The following CCDC60 variants were observed in gnomAD, a reference collection of about 807,000 sequenced individuals.
The protein encoded by CCDC60 is coiled-coil domain-containing protein 60.
In CCDC60, 54 loss-of-function variants were observed where a neutral mutation model predicts 63.5. That is an observed-to-expected ratio of 0.85 (90% CI 0.68 to 1.07). The LOEUF is 1.07. Ranked by LOEUF, CCDC60 falls within the 50% of genes least tolerant of loss-of-function variation. The pLI is 0.00. For missense variants in CCDC60, 651 were observed against 684.3 expected (o/e 0.95, Z 0.54); for synonymous variants, 206 against 238.8 (o/e 0.86, Z 1.27).
chr12:119,501,035 A>G (rs1192800558), intron 6 of CCDC60, among the ~76,000 whole-genome samples: 1 of 152,242 alleles, frequency 6.6e-6, no homozygotes, highest in Non-Finnish European at 1.5e-5. Flanking sequence ...AATAATAATA[A>G]TGGCAAAAGG....
chr12:119,470,327 G>C (rs886152685), intron 2 of CCDC60, among the ~76,000 whole-genome samples: 1 of 152,178 alleles, frequency 6.6e-6, no homozygotes, highest in Non-Finnish European at 1.5e-5. Flanking sequence ...GAACTCCTTG[G>C]GGGGTAAATG....
At chr12:119,482,709 G>T (rs1204673462) in intron 4 of CCDC60, among the ~76,000 whole-genome samples, 1 of 152,120 alleles carries the variant, frequency 6.6e-6, no homozygotes. Flanking sequence ...TTAAAACAAC[G>T]ATTTAGTATT....
At chr12:119,480,976 A>G (rs1457217196) in intron 4 of CCDC60, among the ~76,000 whole-genome samples, 3 of 149,334 alleles carry the variant, frequency 2.0e-5, no homozygotes, top group African/African-American at 7.4e-5. Context: ...CACCATCATT[A>G]TCACCATCAT....
At chr12:119,473,990 T>A (rs1409883635) in intron 3 of CCDC60, among the ~76,000 whole-genome samples, 1 of 152,214 alleles carries the variant, frequency 6.6e-6, no homozygotes, top group Non-Finnish European at 1.5e-5. Flanking sequence ...TACTGAGTAG[T>A]GGGATTGCTG....
At position 119,387,072 on chromosome 12, in the gene CCDC60, ACACT is replaced by A. The variant is rs1317297077; in HGVS notation, c.91-41609_91-41606del. On this transcript the variant is annotated intron_variant, in intron 1 of 13. Coordinates refer to ENST00000327554, the MANE Select transcript of CCDC60 (RefSeq NM_178499.5). ...CACACACACACACACACACACACACACACTCTCCAATTAAAATGTTTCAGCTCTT... is the reference window on the plus strand; with the variant it reads ...CACACACACACACACACACACACACACTCCAATTAAAATGTTTCAGCTCTT... 2.2e-3 allele frequency among the ~76,000 whole-genome samples: 322 copies of A among 148,220 alleles called. 4 individuals are homozygous for A. The highest frequency in any genetic ancestry group is 7.7e-3 in the African/African-American group (306 of 39,686).
chr12:119,520,027 C>A (rs1011004199), intron 8 of CCDC60, 94 bp from the exon 9 acceptor site: 16 of 1,050,716 alleles, frequency 1.5e-5, no homozygotes, highest in Non-Finnish European at 2.2e-5. Flanking sequence ...GATTCTTGCT[C>A]TAGAAAGAGA....
At chr12:119,375,785 G>C (rs1163123144) in intron 1 of CCDC60, among the ~76,000 whole-genome samples, 1 of 152,144 alleles carries the variant, frequency 6.6e-6, no homozygotes, top group Non-Finnish European at 1.5e-5. Flanking sequence ...TGTTTCTGAT[G>C]CATGCAGGAT....
chr12:119,450,871 A>AGG (rs1473004350), intron 2 of CCDC60, among the ~76,000 whole-genome samples: 2 of 140,986 alleles, frequency 1.4e-5, no homozygotes, highest in Admixed American at 1.4e-4. Flanking sequence ...AAAAAAAAAG[A>AGG]GAGAGAGAGA....
chr12:119,372,964 T>C (rs1244177761), intron 1 of CCDC60, among the ~76,000 whole-genome samples: 1 of 152,226 alleles, frequency 6.6e-6, no homozygotes, highest in Non-Finnish European at 1.5e-5. Context: ...TAAGGTTTTT[T>C]GTTTAACGTT....
chr12:119,377,781 A>C (rs1163231824), intron 1 of CCDC60, among the ~76,000 whole-genome samples: 2 of 152,176 alleles, frequency 1.3e-5, no homozygotes, highest in Non-Finnish European at 2.9e-5. Context: ...CTGTGTGAAC[A>C]CAGGCTCTTA....
intron 13 of CCDC60, among the ~76,000 whole-genome samples, chr12:119,533,631 A>G (rs1184697017): frequency 6.6e-6 from 1 of 152,196 alleles, no homozygotes; most frequent in Non-Finnish European, 1.5e-5. Context: ...TCAGCTTTCT[A>G]CATAAGACTA....
At position 119,500,086 on chromosome 12, in the gene CCDC60, G is replaced by A; in HGVS notation, c.566G>A (p.Gly189Asp). Residue 189 changes from glycine to aspartate, a missense_variant, in exon 6 of 14, where the codon GGT (glycine) becomes GAT (aspartate). Gly to Asp is a moderately conservative substitution (Grantham distance 94, BLOSUM62 -1). Transcript: ENST00000327554. ...AGCTGTTTCTCACTCAGGGACCCGG[G>A]TGGAAGCAAGAGCACCATTAAAAAA... The part of the protein sequence containing the change: ...VITCWNPKDP[G>D]GSKSTIKKIN... 1.2e-6 allele frequency: 2 copies of A among 1,612,040 alleles called. No homozygotes were observed. The highest frequency in any genetic ancestry group is 4.5e-5 in the East Asian group (2 of 44,834).
At chr12:119,428,623 C>A in intron 1 of CCDC60, 60 bp from the exon 2 acceptor site, 2 of 1,179,288 alleles carry the variant, frequency 1.7e-6, no homozygotes, top group Non-Finnish European at 1.2e-6. Flanking sequence ...CTGTGCCTAT[C>A]TCCATTTGGA....
intron 11 of CCDC60, among the ~76,000 whole-genome samples, chr12:119,528,117 A>G (rs891331374): frequency 7.2e-5 from 11 of 152,112 alleles, no homozygotes; most frequent in Non-Finnish European, 1.2e-4. Context: ...AAAGCTATTG[A>G]AAGCTGTAGG....
chr12:119,376,289 T>C (rs1593001546), intron 1 of CCDC60, among the ~76,000 whole-genome samples: 1 of 152,174 alleles, frequency 6.6e-6, no homozygotes, highest in African/African-American at 2.4e-5. Context: ...TGATCCCTCC[T>C]GTCCTATCTT....
intron 2 of CCDC60, among the ~76,000 whole-genome samples, chr12:119,444,636 C>G (rs772455677): frequency 1.3e-5 from 2 of 152,240 alleles, no homozygotes; most frequent in African/African-American, 4.8e-5. Context: ...CATTGCTTCT[C>G]ATGGCCACAA....
At chr12:119,418,186 C>T (rs1178113770) in intron 1 of CCDC60, among the ~76,000 whole-genome samples, 2 of 151,688 alleles carry the variant, frequency 1.3e-5, no homozygotes, top group East Asian at 3.9e-4. Flanking sequence ...TATGTATGTA[C>T]TATATATATA....
rs150856451 is a variant in CCDC60, at chr12:119,385,946, T to C, written c.91-42737T>C. On this transcript the variant is annotated intron_variant, in intron 1 of 13. Coordinates refer to ENST00000327554, the MANE Select transcript of CCDC60 (RefSeq NM_178499.5). ...CCCTTTATTCAACTCCTCCTCCAAT[T>C]CCCAGTTTGAGTGCACCATCTCTTT... Among the ~76,000 whole-genome samples, 1,261 of 152,276 alleles carry C rather than the reference T, an allele frequency of 8.3e-3. 6 individuals carry two copies. The highest frequency in any genetic ancestry group is 0.013 in the Non-Finnish European group (889 of 68,010).
At chr12:119,536,567 T>C (rs1379021900) in intron 13 of CCDC60, among the ~76,000 whole-genome samples, 2 of 152,310 alleles carry the variant, frequency 1.3e-5, no homozygotes, top group African/African-American at 4.8e-5. Flanking sequence ...TGTTCCTTTT[T>C]ATGTTTAGTG....
Sources: gnomAD v4.1 joint callset for allele counts (sites outside exome capture counted in the v4.1 genomes callset) on GRCh38, gnomAD v4.1.1 for gene constraint, MANE v1.5 for transcripts, NCBI Gene and HGNC (gene_info 2026-07-23, HGNC 2026-07-21) for gene names.